ARHGEF3: variants seen among roughly 807,000 people sequenced by gnomAD.
ARHGEF3 encodes Rho guanine nucleotide exchange factor 3.
Under a neutral mutation model 63.2 loss-of-function variants are expected in ARHGEF3, and 28 were observed. The ratio of observed to expected loss-of-function variants is 0.44; its 90% CI spans 0.33 to 0.61. The LOEUF (loss-of-function observed/expected upper bound fraction) is 0.61. ARHGEF3 is among the 20% of genes least tolerant of loss of function. ARHGEF3 has a pLI of 0.03. For missense variants in ARHGEF3, 533 were observed against 659.3 expected, an observed-to-expected ratio of 0.81 and a Z score of 2.10; for synonymous variants, 266 against 254.2, an observed-to-expected ratio of 1.05 and a Z score of -0.44.
chr3:56,758,684 T>C (rs2035243673), intron 2 of ARHGEF3, among the ~76,000 whole-genome samples: 1 of 152,176 alleles, frequency 6.6e-6, no homozygotes, highest in African/African-American at 2.4e-5. Context: ...ACTAATGGTA[T>C]CTTACAAATC....
chr3:56,787,718 G>GATGATAATAATA (rs1553754560), intron 1 of ARHGEF3, among the ~76,000 whole-genome samples: 11 of 150,796 alleles, frequency 7.3e-5, no homozygotes, highest in Admixed American at 5.3e-4. Context: ...AACTTCCTCT[G>GATGATAATAATA]ATAATAATAA....
chr3:56,731,921 T>C (rs904520264), intron 9 of ARHGEF3: 1 of 547,366 alleles, frequency 1.8e-6, no homozygotes, highest in Non-Finnish European at 3.3e-6. Context: ...GTATTAAGCA[T>C]GTTTTTATCC....
At chr3:57,047,390 C>T (rs368312451) in intron 1 of ARHGEF3, among the ~76,000 whole-genome samples, 10 of 110,866 alleles carry the variant, frequency 9.0e-5, no homozygotes, top group East Asian at 2.0e-4. Flanking sequence ...AAAAAAACTT[C>T]GTCTCAAAAA....
chr3:56,778,803 G>A (rs1270171367), intron 1 of ARHGEF3, among the ~76,000 whole-genome samples: 1 of 152,126 alleles, frequency 6.6e-6, no homozygotes, highest in African/African-American at 2.4e-5. Flanking sequence ...CCAAAGTGCT[G>A]GGGATTACAG....
intron 4 of ARHGEF3, among the ~76,000 whole-genome samples, chr3:56,817,917 G>A (rs370098771): frequency 6.6e-6 from 1 of 152,184 alleles, no homozygotes; most frequent in East Asian, 1.9e-4. Context: ...CACGCATGGG[G>A]GATCAAGTGG....
At chr3:57,068,694 G>T (rs1481055996) in intron 1 of ARHGEF3, among the ~76,000 whole-genome samples, 1 of 152,186 alleles carries the variant, frequency 6.6e-6, no homozygotes, top group South Asian at 2.1e-4. Context: ...CACAAGGTCA[G>T]CCAAGCTGTA....
intron 8 of ARHGEF3, among the ~76,000 whole-genome samples, chr3:56,733,006 G>A (rs938994470): frequency 2.0e-5 from 3 of 152,002 alleles, no homozygotes; most frequent in South Asian, 2.1e-4. Context: ...AAACTAGGCC[G>A]GATGCAGTGA....
At chr3:56,992,477 T>C (rs957586528) in intron 2 of ARHGEF3, among the ~76,000 whole-genome samples, 7 of 147,404 alleles carry the variant, frequency 4.7e-5, no homozygotes, top group Non-Finnish European at 8.9e-5. Flanking sequence ...ACCAACATTA[T>C]GAACTGACTG....
At chr3:56,875,137 AT>A (rs2040543544) in intron 4 of ARHGEF3, among the ~76,000 whole-genome samples, 1 of 152,202 alleles carries the variant, frequency 6.6e-6, no homozygotes, top group Non-Finnish European at 1.5e-5. Context: ...CGTTTGCCTC[AT>A]CTCTAAAGGG....
chr3:56,976,535 C>T (rs1023271194), intron 2 of ARHGEF3, among the ~76,000 whole-genome samples: 1 of 152,176 alleles, frequency 6.6e-6, no homozygotes, highest in African/African-American at 2.4e-5. Context: ...GGTGGCCCAA[C>T]CCCTCCAAAA....
At chr3:57,060,497 G>C (rs996864446) in intron 1 of ARHGEF3, 2 of 152,238 alleles carry the variant, frequency 1.3e-5, no homozygotes, top group African/African-American at 4.8e-5. Context: ...ATCAGGGACT[G>C]GAAGGGATGG....
At chr3:56,974,028 G>A (rs1034381012) in intron 2 of ARHGEF3, among the ~76,000 whole-genome samples, 1 of 152,190 alleles carries the variant, frequency 6.6e-6, no homozygotes, top group African/African-American at 2.4e-5. Flanking sequence ...GGAGGTTGCA[G>A]TGAGCTATGA....
At chr3:56,911,058 C>T (rs1014691222) in intron 3 of ARHGEF3, among the ~76,000 whole-genome samples, 3 of 152,166 alleles carry the variant, frequency 2.0e-5, no homozygotes, top group Middle Eastern at 3.4e-3. Context: ...TGGAGAACCT[C>T]GTACTGGGGA....
At chr3:56,976,327 G>A (rs940516998) in intron 2 of ARHGEF3, among the ~76,000 whole-genome samples, 3 of 152,198 alleles carry the variant, frequency 2.0e-5, no homozygotes, top group Admixed American at 6.5e-5. Flanking sequence ...ACAGGTGTGA[G>A]CCACTGCATC....
At chr3:56,844,610 C>T (rs896636077) in intron 4 of ARHGEF3, among the ~76,000 whole-genome samples, 1 of 152,176 alleles carries the variant, frequency 6.6e-6, no homozygotes, top group Admixed American at 6.5e-5. Flanking sequence ...ACAGGTTTTG[C>T]TTCAACCTTA....
chr3:56,926,156 C>T (rs1319237040), intron 3 of ARHGEF3, among the ~76,000 whole-genome samples: 1 of 152,192 alleles, frequency 6.6e-6, no homozygotes, highest in Admixed American at 6.5e-5. Context: ...AATGACAGTG[C>T]CATTCCAGCT....
chr3:56,994,994 C>T (rs1398236606), intron 2 of ARHGEF3, among the ~76,000 whole-genome samples: 1 of 152,104 alleles, frequency 6.6e-6, no homozygotes, highest in East Asian at 1.9e-4. Context: ...GTAAGATGTG[C>T]CATGCCTCCT....
chr3:56,814,658 C>A (rs2038200346), intron 4 of ARHGEF3, among the ~76,000 whole-genome samples: 2 of 143,078 alleles, frequency 1.4e-5, no homozygotes, highest in African/African-American at 5.1e-5. Flanking sequence ...ATAAATCATC[C>A]TTCTCCCTTT....
intron 7 of ARHGEF3, among the ~76,000 whole-genome samples, chr3:56,739,832 G>C (rs2107712276): frequency 6.6e-6 from 1 of 152,140 alleles, no homozygotes; most frequent in Middle Eastern, 3.4e-3. Context: ...TTGAGCTGAA[G>C]TTTGGTGAAT....
Sources: allele counts gnomAD v4.1 joint callset (sites outside exome capture counted in the v4.1 genomes callset), GRCh38; gene constraint gnomAD v4.1.1; transcripts MANE v1.5; gene names NCBI Gene and HGNC (gene_info 2026-07-23, HGNC 2026-07-21).